FGF13: variants seen among roughly 807,000 people sequenced by gnomAD.
FGF13 encodes fibroblast growth factor 13.
A neutral mutation model predicts 19.5 loss-of-function variants in FGF13; 2 were observed. The ratio of observed to expected loss-of-function variants is 0.10; its 90% CI spans 0.04 to 0.32. The LOEUF is 0.32. Among genes scored for constraint, FGF13 ranks in the 10% least tolerant of loss-of-function variants. The pLI, the probability that FGF13 is intolerant of heterozygous loss-of-function variation, is 1.00. For missense variants in FGF13, 113 were observed against 192.7 expected (o/e 0.59, Z 2.45); for synonymous variants, 72 against 76.9 (o/e 0.94, Z 0.33).
intron 1 of FGF13, among the ~76,000 whole-genome samples, chrX:138,952,376 A>G (rs1439077238): frequency 1.2e-4 from 14 of 112,021 alleles, no homozygotes; most frequent in African/African-American, 4.5e-4. Flanking sequence ...GCTAGCATAT[A>G]TAGAAAGCTG....
chrX:138,995,373 C>A (rs1300393479), intron 1 of FGF13, among the ~76,000 whole-genome samples: 21 of 111,082 alleles, frequency 1.9e-4, no homozygotes, highest in Non-Finnish European at 2.3e-4. Flanking sequence ...CATAAGTAAA[C>A]ACGTGTCACA....
intron 3 of FGF13, among the ~76,000 whole-genome samples, chrX:138,794,714 G>C (rs1373476814): frequency 9.0e-6 from 1 of 111,609 alleles, no homozygotes; most frequent in Admixed American, 9.5e-5. Context: ...AATTTGTTTT[G>C]AACTATTCTC....
At chrX:138,872,637 A>T (rs114206063) in intron 1 of FGF13, among the ~76,000 whole-genome samples, 7,241 of 111,809 alleles carry the variant, frequency 0.065, 592 homozygotes, top group African/African-American at 0.22. Flanking sequence ...TACATGGGGC[A>T]GGGGGTTCTT....
chrX:138,836,203 G>C (rs987225150), intron 3 of FGF13, among the ~76,000 whole-genome samples: 3 of 111,292 alleles, frequency 2.7e-5, no homozygotes, highest in African/African-American at 9.8e-5. Context: ...GGTATCCTCT[G>C]CATTTCCTGA....
intron 3 of FGF13, among the ~76,000 whole-genome samples, chrX:138,783,910 C>T (rs1181082007): frequency 3.7e-4 from 40 of 108,049 alleles, no homozygotes; most frequent in Non-Finnish European, 6.9e-4. Flanking sequence ...GACTTGGAAC[C>T]AACCCAAATG....
chrX:139,095,623 T>G (rs902381320), intron 1 of FGF13, among the ~76,000 whole-genome samples: 11 of 112,157 alleles, frequency 9.8e-5, no homozygotes, highest in Non-Finnish European at 2.1e-4. Flanking sequence ...TTTTCTCATC[T>G]TTAAAACTGG....
At chrX:138,696,264 T>C (rs2089894096) in intron 3 of FGF13, among the ~76,000 whole-genome samples, 1 of 112,461 alleles carries the variant, frequency 8.9e-6, no homozygotes, top group African/African-American at 3.2e-5. Flanking sequence ...ATTCCTTTTG[T>C]ATGAAATGTT....
At chrX:138,871,504 G>T (rs1010554134) in intron 1 of FGF13, among the ~76,000 whole-genome samples, 1 of 112,195 alleles carries the variant, frequency 8.9e-6, no homozygotes, top group Non-Finnish European at 1.9e-5. Context: ...GAAAGAAGCT[G>T]CTCCAAATTG....
intron 1 of FGF13, among the ~76,000 whole-genome samples, chrX:139,146,080 C>T (rs967020381): frequency 2.7e-5 from 3 of 111,678 alleles, no homozygotes; most frequent in Non-Finnish European, 5.7e-5. Flanking sequence ...ATGACTAAAA[C>T]ACCAAAAGCA....
intron 1 of FGF13, among the ~76,000 whole-genome samples, chrX:139,185,137 A>T (rs1347843625): frequency 3.6e-5 from 4 of 112,378 alleles, no homozygotes; most frequent in African/African-American, 1.3e-4. Flanking sequence ...TGCTGAGTAC[A>T]TAGTAATACT....
intron 1 of FGF13, among the ~76,000 whole-genome samples, chrX:139,011,280 G>T (rs2092126783): frequency 1.9e-5 from 2 of 107,974 alleles, no homozygotes; most frequent in Non-Finnish European, 3.8e-5. Context: ...CAGAGAAAGA[G>T]GAAATCCTCC....
intron 1 of FGF13, among the ~76,000 whole-genome samples, chrX:139,121,947 T>C (rs2083680229): frequency 9.0e-6 from 1 of 110,821 alleles, no homozygotes. Flanking sequence ...ATCGGCTAGT[T>C]TGAATAATTT....
chrX:139,204,244 T>TC (rs962649449), upstream of FGF13: 56 of 569,156 alleles, frequency 9.8e-5, no homozygotes, highest in Non-Finnish European at 1.4e-4. Flanking sequence ...AATCCGCTTT[T>TC]CCCCACCGCT....
chrX:138,757,723 C>A (rs1361807770), intron 3 of FGF13, among the ~76,000 whole-genome samples: 2 of 111,132 alleles, frequency 1.8e-5, no homozygotes, highest in Non-Finnish European at 3.8e-5. Flanking sequence ...GAGGGACAGG[C>A]AAGGAGATGT....
intron 1 of FGF13, among the ~76,000 whole-genome samples, chrX:139,162,756 G>A (rs1402434784): frequency 8.9e-6 from 1 of 112,164 alleles, no homozygotes; most frequent in Non-Finnish European, 1.9e-5. Context: ...CTTCTCAAAA[G>A]AAGACATTTA....
intron 1 of FGF13, among the ~76,000 whole-genome samples, chrX:139,164,155 G>T (rs200052244): frequency 6.3e-4 from 65 of 103,153 alleles, no homozygotes; most frequent in Admixed American, 3.0e-3. Flanking sequence ...TGCACAATGT[G>T]CAGGTCAGTT....
At chrX:138,905,421 C>T (rs2091552449) in intron 1 of FGF13, among the ~76,000 whole-genome samples, 2 of 111,835 alleles carry the variant, frequency 1.8e-5, no homozygotes, top group South Asian at 7.5e-4. Context: ...AAACTATGCT[C>T]AGGATAAAAA....
rs756469142 is a variant in FGF13, at chrX:138,645,330, T to C, written c.403-9675A>G. 7.8e-4 allele frequency among the ~76,000 whole-genome samples: 87 copies of C among 112,052 alleles called. 1 individual carries two copies. Among genetic ancestry groups the C allele is most frequent in the African/African-American group, 2.8e-3 (87 of 30,822 alleles). ...TTTCACCCACAGAGTAGTCACTGGG[T>C]AGACAACAGCTGTAATGCCAACTCC... On this transcript the variant is annotated intron_variant, in intron 3 of 4. Transcript: ENST00000315930.
At chrX:139,089,349 A>G (rs1432522379) in intron 1 of FGF13, among the ~76,000 whole-genome samples, 1 of 112,510 alleles carries the variant, frequency 8.9e-6, no homozygotes, top group Non-Finnish European at 1.9e-5. Context: ...ACTGTTTAAA[A>G]TAACTGACTT....
Sources: allele counts gnomAD v4.1 joint callset (sites outside exome capture counted in the v4.1 genomes callset), GRCh38; gene constraint gnomAD v4.1.1; transcripts MANE v1.5; gene names NCBI Gene and HGNC (gene_info 2026-07-23, HGNC 2026-07-21).